The following TACC2 variants were observed in gnomAD, a reference collection of about 807,000 sequenced individuals.
The protein encoded by TACC2 is transforming acidic coiled-coil containing protein 2.
TACC2 carries 137 observed loss-of-function variants against 227.3 expected under a neutral mutation model. The ratio of observed to expected loss-of-function variants is 0.60; its 90% CI spans 0.52 to 0.69. The LOEUF (loss-of-function observed/expected upper bound fraction) is 0.69, where lower values mean the gene tolerates loss of function less well. Ranked by LOEUF, TACC2 falls within the 30% of genes least tolerant of loss-of-function variation. The pLI, the probability that TACC2 is intolerant of heterozygous loss-of-function variation, is 0.00. For missense variants in TACC2, 3,470 were observed against 3,694.4 expected (o/e 0.94, Z 1.57); for synonymous variants, 1,523 against 1,487.5 (o/e 1.02, Z -0.55).
intron 1 of TACC2, among the ~76,000 whole-genome samples, chr10:121,993,269 GA>G (rs1282521842): frequency 6.6e-6 from 1 of 152,000 alleles, no homozygotes. Flanking sequence ...TTAAATGTGT[GA>G]AAAAAAGGAG....
In TACC2 at chr10:122,087,465, G is replaced by T; in HGVS notation, c.4965G>T (p.Thr1655=). 2 of 1,614,030 alleles carry T rather than the reference G, an allele frequency of 1.2e-6. No individual in the cohort carries two copies. Among genetic ancestry groups the T allele is most frequent in the South Asian group, 2.2e-5 (2 of 91,086 alleles). The change falls in exon 4 of 23, where the codon ACG becomes ACT. Residue 1655 remains threonine (T), a synonymous_variant. Transcript: ENST00000369005. The part of the protein sequence containing the change: ...EANSEPWTLD[T]LGGERRPGVT... ...ACAGTGAGCCCTGGACCCTTGACAC[G>T]CTTGGGGGTGAAAGGAGACCCGGAG...
chr10:122,227,384 G>A (rs113393552), intron 13 of TACC2, among the ~76,000 whole-genome samples: 1,757 of 152,302 alleles, frequency 0.012, 48 homozygotes, highest in African/African-American at 0.04. Flanking sequence ...AGACTCTGCA[G>A]GCTGCCCAGG....
At chr10:122,129,053 T>G (rs1462430221) in intron 5 of TACC2, among the ~76,000 whole-genome samples, 1 of 93,934 alleles carries the variant, frequency 1.1e-5, no homozygotes, top group African/African-American at 3.1e-5. Flanking sequence ...AAGATCTATC[T>G]TATTTTAATT....
chr10:122,161,183 A>G (rs1015938908), intron 7 of TACC2, among the ~76,000 whole-genome samples: 6 of 151,506 alleles, frequency 4.0e-5, no homozygotes, highest in African/African-American at 1.5e-4. Context: ...CAATCCTCCC[A>G]CCTCGGCCAC....
intron 7 of TACC2, among the ~76,000 whole-genome samples, chr10:122,144,449 G>A (rs1193486628): frequency 2.0e-5 from 3 of 152,164 alleles, no homozygotes; most frequent in Admixed American, 6.5e-5. Flanking sequence ...CTCCTAAAGA[G>A]CATTCTTGGA....
intron 11 of TACC2, 22 bp downstream of exon 11, chr10:122,216,850 T>C: frequency 6.2e-7 from 1 of 1,614,178 alleles, no homozygotes; most frequent in East Asian, 2.2e-5. Context: ...TGTAGCCAGC[T>C]GGACCCCCAC....
intron 2 of TACC2, among the ~76,000 whole-genome samples, chr10:122,028,509 T>C (rs933988516): frequency 6.6e-6 from 1 of 152,202 alleles, no homozygotes; most frequent in African/African-American, 2.4e-5. Flanking sequence ...GTGTCATGTT[T>C]TTAAATTTGC....
At chr10:122,013,599 G>A (rs1956204197) in intron 1 of TACC2, among the ~76,000 whole-genome samples, 1 of 152,332 alleles carries the variant, frequency 6.6e-6, no homozygotes, top group Non-Finnish European at 1.5e-5. Flanking sequence ...CACGGGAGCT[G>A]CTGGGTCAGG....
rs1369713511 is a variant in TACC2, at chr10:122,081,566, A to G, written c.147-1081A>G. Among the ~76,000 whole-genome samples the G allele has an allele frequency of 2.7e-5, 4 of 150,910 alleles. No individual in the cohort carries two copies. The East Asian group carries it at 7.8e-4, about 29-fold the overall frequency. On this transcript the variant is annotated intron_variant, in intron 3 of 22. Coordinates refer to ENST00000369005, the MANE Select transcript of TACC2 (RefSeq NM_206862.4). Reference sequence around the variant, plus strand: ...AAAAGGCACAGCATTAAAACTGTGTAGAATTGAGCAACATAGTCCAAATAC... The same window carrying G: ...AAAAGGCACAGCATTAAAACTGTGTGGAATTGAGCAACATAGTCCAAATAC...
At chr10:122,089,123 A>T (rs779872878) in intron 5 of TACC2, among the ~76,000 whole-genome samples, 3 of 152,180 alleles carry the variant, frequency 2.0e-5, no homozygotes, top group Admixed American at 6.5e-5. Flanking sequence ...TCAAAAAAAG[A>T]AAAGAATCTT....
intron 19 of TACC2, among the ~76,000 whole-genome samples, chr10:122,242,746 G>A (rs190081206): frequency 6.6e-6 from 1 of 152,002 alleles, no homozygotes; most frequent in East Asian, 1.9e-4. Flanking sequence ...ATTATAACTG[G>A]GTCTGTGGGA....
At chr10:122,064,775 ACT>A (rs1202895109) in intron 3 of TACC2, among the ~76,000 whole-genome samples, 1 of 151,656 alleles carries the variant, frequency 6.6e-6, no homozygotes, top group Non-Finnish European at 1.5e-5. Context: ...CTTGGGAATC[ACT>A]CTCTTTTTAG....
At chr10:122,189,817 A>G (rs2094346451) in intron 7 of TACC2, among the ~76,000 whole-genome samples, 1 of 152,204 alleles carries the variant, frequency 6.6e-6, no homozygotes, top group Admixed American at 6.5e-5. Context: ...TGCTCCATGA[A>G]GGTAGGCCTG....
intron 7 of TACC2, among the ~76,000 whole-genome samples, chr10:122,193,423 T>C (rs2094472487): frequency 6.6e-6 from 1 of 152,192 alleles, no homozygotes; most frequent in South Asian, 2.1e-4. Flanking sequence ...TGGTGGTCTT[T>C]AGAAGATGGT....
chr10:122,102,742 C>T (rs955312637), intron 5 of TACC2, among the ~76,000 whole-genome samples: 3 of 152,156 alleles, frequency 2.0e-5, no homozygotes, highest in Admixed American at 6.6e-5. Context: ...CACGTCTGTC[C>T]GAGCAGTGCA....
intron 8 of TACC2, among the ~76,000 whole-genome samples, chr10:122,204,845 C>T (rs1165638049): frequency 3.3e-5 from 5 of 151,384 alleles, no homozygotes; most frequent in East Asian, 2.0e-4. Flanking sequence ...AAAAAAATGA[C>T]GTGTGGCATG....
At chr10:122,028,369 C>T (rs1004702271) in intron 2 of TACC2, among the ~76,000 whole-genome samples, 4 of 152,080 alleles carry the variant, frequency 2.6e-5, no homozygotes, top group Admixed American at 6.6e-5. Context: ...GGATTACAGG[C>T]GTGAGCCACC....
Position 122,083,340 on chromosome 10 carries a change from T to G in TACC2, c.840T>G (p.Asp280Glu). 6.2e-7 allele frequency: 1 copy of G among 1,613,810 alleles called. No individual in the cohort carries two copies. Among genetic ancestry groups the G allele is most frequent in the Non-Finnish European group, 8.5e-7 (1 of 1,180,002 alleles). ...AACCCATGGCCCCGATCCCACAAGA[T>G]CCAGCCCCAAGAGCCTCAGACAGAG... ...PLKPMAPIPQ[D>E]PAPRASDRER... The change falls in exon 4 of 23, where the codon GAT (aspartate) becomes GAG (glutamate). Residue 280 changes from aspartate to glutamate, a missense_variant. Around this residue, in one of 10 missense-constraint regions of TACC2, gnomAD observed 405 missense variants for 389.6 expected, o/e 1.04. Transcript: ENST00000369005.
chr10:122,204,557 C>T (rs776070415), intron 8 of TACC2, among the ~76,000 whole-genome samples: 5 of 152,184 alleles, frequency 3.3e-5, no homozygotes, highest in Non-Finnish European at 5.9e-5. Flanking sequence ...ACATGTGGGC[C>T]GGGTACGGTG....
Sources: allele counts gnomAD v4.1 joint callset (sites outside exome capture counted in the v4.1 genomes callset), GRCh38; gene constraint gnomAD v4.1.1; regional missense constraint gnomAD v4.1.1; transcripts MANE v1.5; gene names NCBI Gene and HGNC (gene_info 2026-07-23, HGNC 2026-07-21).